SLC37A3: variants seen among roughly 807,000 people sequenced by gnomAD.
SLC37A3 encodes the protein solute carrier family 37 member 3, also known as sugar phosphate exchanger 3.
In SLC37A3, 51 loss-of-function variants were observed where a neutral mutation model predicts 67.1. The ratio of observed to expected loss-of-function variants is 0.76; its 90% CI spans 0.61 to 0.96. The LOEUF (loss-of-function observed/expected upper bound fraction) is 0.96. Ranked by LOEUF, SLC37A3 falls within the 40% of genes least tolerant of loss-of-function variation. The pLI, the probability that SLC37A3 is intolerant of heterozygous loss-of-function variation, is 0.00. For missense variants in SLC37A3, 508 were observed against 603.0 expected (o/e 0.84, Z 1.65); for synonymous variants, 214 against 231.4 (o/e 0.92, Z 0.68).
chr7:140,357,350 TG>T (rs1797071473), intron 6 of SLC37A3, among the ~76,000 whole-genome samples: 1 of 152,214 alleles, frequency 6.6e-6, no homozygotes, highest in African/African-American at 2.4e-5. Context: ...GAGCTTTATT[TG>T]TAACCGCCCA....
rs185030619 is a variant in SLC37A3 at position 140,382,096 on chromosome 7, G to A, written c.89+342C>T. 2.0e-3 allele frequency among the ~76,000 whole-genome samples: 302 copies of A among 149,318 alleles called. 1 individual carries two copies. Among genetic ancestry groups the A allele is most frequent in the Non-Finnish European group, 3.6e-3 (244 of 67,512 alleles). ...AAAAAAAATAGATCAGGGCTTCTCCGCCTCCACACTGTTGACATTTGCAGA... is the reference window on the plus strand; with the variant it reads ...AAAAAAAATAGATCAGGGCTTCTCCACCTCCACACTGTTGACATTTGCAGA... On this transcript the variant is annotated intron_variant, in intron 2 of 14. Transcript: ENST00000326232.
At chr7:140,350,726 T>TGCACTCCAGCCTGGGTGACAGAGCG in intron 9 of SLC37A3, among the ~76,000 whole-genome samples, 1 of 152,062 alleles carries the variant, frequency 6.6e-6, no homozygotes, top group African/African-American at 2.4e-5. Context: ...ACTGCGCCAC[T>TGCACTCCAGCCTGGGTGACAGAGCG]GCACTCCAGC....
chr7:140,390,444 C>T (rs1204933717), intron 1 of SLC37A3, among the ~76,000 whole-genome samples: 3 of 152,136 alleles, frequency 2.0e-5, no homozygotes, highest in East Asian at 1.9e-4. Context: ...TCTTCCCTCC[C>T]CCAACCTACA....
At chr7:140,363,034 T>A (rs1797425334) in intron 5 of SLC37A3, among the ~76,000 whole-genome samples, 1 of 77,500 alleles carries the variant, frequency 1.3e-5, no homozygotes, top group Non-Finnish European at 2.7e-5. Flanking sequence ...TGAGGACCCC[T>A]CTGCCCGGCC....
At chr7:140,348,302 T>C (rs902543788) in intron 10 of SLC37A3, among the ~76,000 whole-genome samples, 2 of 152,130 alleles carry the variant, frequency 1.3e-5, no homozygotes, top group African/African-American at 4.8e-5. Flanking sequence ...GAAAGCCGTA[T>C]GAAAGGATTG....
intron 13 of SLC37A3, among the ~76,000 whole-genome samples, chr7:140,340,117 T>C (rs1426790897): frequency 2.6e-5 from 4 of 152,206 alleles, no homozygotes. Context: ...ATTTTCCCAA[T>C]GACTAAGGAT....
At chr7:140,358,025 G>A (rs928035834) in intron 6 of SLC37A3, among the ~76,000 whole-genome samples, 4 of 151,966 alleles carry the variant, frequency 2.6e-5, no homozygotes, top group African/African-American at 7.3e-5. Flanking sequence ...GCAGTGAGCC[G>A]AGATCACCCC....
At chr7:140,351,778 T>C (rs1796813266) in intron 8 of SLC37A3, 2 of 572,950 alleles carry the variant, frequency 3.5e-6, no homozygotes, top group Non-Finnish European at 6.2e-6. Context: ...GAAATACATC[T>C]ATGTTCATTC....
intron 13 of SLC37A3, among the ~76,000 whole-genome samples, chr7:140,340,588 C>T (rs538540908): frequency 1.3e-5 from 2 of 151,250 alleles, no homozygotes; most frequent in Admixed American, 6.6e-5. Flanking sequence ...CTACAGGAAG[C>T]ATGGGGGGCT....
At chr7:140,353,210 C>T (rs564710199) in intron 7 of SLC37A3, among the ~76,000 whole-genome samples, 45 of 152,076 alleles carry the variant, frequency 3.0e-4, no homozygotes, top group Admixed American at 7.2e-4. Context: ...AAGCTGGGCA[C>T]GGTGGCTCAT....
intron 3 of SLC37A3, among the ~76,000 whole-genome samples, chr7:140,379,660 A>G (rs577584244): frequency 6.6e-6 from 1 of 151,848 alleles, no homozygotes; most frequent in East Asian, 1.9e-4. Flanking sequence ...TGGGAGGCCA[A>G]GGCGGGTGGA....
At chr7:140,358,277 A>C (rs944944673) in intron 6 of SLC37A3, among the ~76,000 whole-genome samples, 1 of 152,186 alleles carries the variant, frequency 6.6e-6, no homozygotes, top group Non-Finnish European at 1.5e-5. Flanking sequence ...ACTCTCAAAA[A>C]AGGGCAGGGA....
Position 140,358,736 on chromosome 7 carries a change from C to T in SLC37A3, c.425G>A (p.Trp142Ter). ...CACAATCCACAGGCAGCAGTACAGC[C>T]ATTTGTTGTAGAAACGCAGCCATTC... Reference protein sequence around the residue: ...LTEWLRFYNKWLYCCLWIVNG... With the variant: ...LTEWLRFYNK The change falls in exon 6 of 15, where the codon TGG becomes TAG. Residue 142 changes from tryptophan to a stop codon, truncating the protein, a stop_gained. Transcript: ENST00000326232. LOFTEE classifies it high-confidence loss of function. The T allele has an allele frequency of 1.2e-6, 2 of 1,614,148 alleles. No individual in the cohort carries two copies. The highest frequency in any genetic ancestry group is 1.7e-6 in the Non-Finnish European group (2 of 1,180,042).
chr7:140,362,973 C>G (rs1175922257), intron 5 of SLC37A3, among the ~76,000 whole-genome samples: 1 of 90,062 alleles, frequency 1.1e-5, no homozygotes, highest in African/African-American at 4.1e-5. Context: ...CAGCCGGCCG[C>G]CCCGGCCGGG....
chr7:140,345,305 CAG>C, intron 11 of SLC37A3, 42 bp from the exon 12 acceptor site: 1 of 1,559,904 alleles, frequency 6.4e-7, no homozygotes, highest in South Asian at 1.1e-5. Flanking sequence ...GCTTGAAAAG[CAG>C]ACTCCACGTG....
Position 140,352,105 on chromosome 7 carries a change from C to T in SLC37A3, c.660G>A (p.Gly220=), listed in dbSNP as rs1229298282. Residue 220 remains glycine, a synonymous_variant, in exon 8 of 15, where the codon GGG becomes GGA. Coordinates refer to ENST00000326232, the MANE Select transcript of SLC37A3 (RefSeq NM_207113.3). ...LVTASVQFAG[G]IVIFFGLLVS... The stretch of plus-strand genomic sequence containing the variant: ...CCAGGAGTCCAAAGAAGATAACGAT[C>T]CCACCAGCAAACTGCACAGACGCCG... The T allele has an allele frequency of 6.2e-7, 1 of 1,613,472 alleles. No homozygotes were observed. Among genetic ancestry groups the T allele is most frequent in the Middle Eastern group, 1.7e-4 (1 of 6,058 alleles).
chr7:140,365,652 C>T (rs921382373), intron 4 of SLC37A3, among the ~76,000 whole-genome samples: 1 of 151,974 alleles, frequency 6.6e-6, no homozygotes, highest in East Asian at 1.9e-4. Context: ...ACCCAGGAAG[C>T]GGGGCTTGCA....
chr7:140,350,511 T>C (rs1796750019), intron 9 of SLC37A3, among the ~76,000 whole-genome samples: 1 of 152,154 alleles, frequency 6.6e-6, no homozygotes, highest in South Asian at 2.1e-4. Context: ...ACGCCTGTAA[T>C]CCCAGCATTC....
chr7:140,353,248 C>T (rs1796884799), intron 7 of SLC37A3, among the ~76,000 whole-genome samples: 2 of 151,898 alleles, frequency 1.3e-5, no homozygotes, highest in Admixed American at 6.6e-5. Flanking sequence ...TTTGGGAGGC[C>T]GAGGTGGGCG....
Sources: allele counts gnomAD v4.1 joint callset (sites outside exome capture counted in the v4.1 genomes callset), GRCh38; gene constraint gnomAD v4.1.1; transcripts MANE v1.5; gene names NCBI Gene and HGNC (gene_info 2026-07-23, HGNC 2026-07-21).